Variants in FYN observed in about 807,000 individuals in gnomAD.
FYN encodes the protein tyrosine-protein kinase Fyn.
Under a neutral mutation model 70.2 loss-of-function variants are expected in FYN, and 10 were observed. That is an observed-to-expected ratio of 0.14 (90% confidence interval 0.09 to 0.24). The LOEUF is 0.24. Among genes scored for constraint, FYN ranks in the 10% least tolerant of loss-of-function variants. FYN has a pLI of 1.00. For missense variants in FYN, 319 were observed against 673.1 expected, an observed-to-expected ratio of 0.47 and a Z score of 5.82; for synonymous variants, 236 against 248.6, an observed-to-expected ratio of 0.95 and a Z score of 0.48.
chr6:111,790,987 T>C lies in FYN; in HGVS notation c.-81-10352A>G, dbSNP rs149854890. ...TTTTATATGTCAATTCTCCTCGCAA[T>C]TGCATCTTAACTGAACCACCAATTT... is the stretch of plus-strand genomic sequence containing the variant. On this transcript the variant is annotated intron_variant, in intron 2 of 13. Coordinates refer to ENST00000354650, the MANE Select transcript of FYN (RefSeq NM_002037.5). Among the ~76,000 whole-genome samples the C allele has an allele frequency of 4.1e-4, 62 of 152,348 alleles. 1 individual carries two copies. Among genetic ancestry groups the C allele is most frequent in the African/African-American group, 1.4e-3 (59 of 41,580 alleles).
At chr6:111,684,269 GTTGA>G (rs984585137) in intron 12 of FYN, among the ~76,000 whole-genome samples, 1 of 152,122 alleles carries the variant, frequency 6.6e-6, no homozygotes, top group Non-Finnish European at 1.5e-5. Flanking sequence ...CAAAGATAAG[GTTGA>G]TTAAGTAGGC....
chr6:111,824,212 T>C (rs1367487462), intron 2 of FYN, among the ~76,000 whole-genome samples: 1 of 152,228 alleles, frequency 6.6e-6, no homozygotes, highest in Non-Finnish European at 1.5e-5. Context: ...ATGACTCACT[T>C]GTGATAACAT....
chr6:111,687,540 GC>G (rs1799062517), intron 12 of FYN, among the ~76,000 whole-genome samples: 1 of 144,816 alleles, frequency 6.9e-6, no homozygotes, highest in African/African-American at 2.6e-5. Context: ...GATGATAGAG[GC>G]AGAGCCTCCA....
At chr6:111,781,172 T>TA (rs1156994520) in intron 2 of FYN, 1 of 152,200 alleles carries the variant, frequency 6.6e-6, no homozygotes, top group Non-Finnish European at 1.5e-5. Context: ...GAAGGGCTTA[T>TA]AACAGCCTCT....
intron 12 of FYN, among the ~76,000 whole-genome samples, chr6:111,692,156 A>G (rs1345860879): frequency 1.5e-5 from 2 of 135,700 alleles, no homozygotes; most frequent in African/African-American, 5.4e-5. Context: ...CTCTCTTTCT[A>G]GTGTTTGGCA....
intron 13 of FYN, among the ~76,000 whole-genome samples, chr6:111,666,427 C>T (rs955466321): frequency 3.9e-5 from 6 of 152,116 alleles, no homozygotes; most frequent in Non-Finnish European, 7.4e-5. Flanking sequence ...AATTTTGTTC[C>T]AACCCTCTCC....
chr6:111,839,187 C>T (rs1486830268), intron 2 of FYN, among the ~76,000 whole-genome samples: 1 of 152,140 alleles, frequency 6.6e-6, no homozygotes, highest in Non-Finnish European at 1.5e-5. Context: ...TTCCTCTGTA[C>T]TATGTCTTAC....
At chr6:111,764,989 C>T (rs897287774) in intron 3 of FYN, among the ~76,000 whole-genome samples, 1 of 150,816 alleles carries the variant, frequency 6.6e-6, no homozygotes, top group Non-Finnish European at 1.5e-5. Context: ...TCGGTGGGGC[C>T]GAAGCAGCGT....
At chr6:111,832,240 G>A (rs141288377) in intron 2 of FYN, among the ~76,000 whole-genome samples, 97 of 152,256 alleles carry the variant, frequency 6.4e-4, no homozygotes, top group South Asian at 1.5e-3. Flanking sequence ...CAGGGATAGC[G>A]CCGAAGGACT....
intron 1 of FYN, among the ~76,000 whole-genome samples, chr6:111,855,625 A>T (rs1773804105): frequency 6.6e-6 from 1 of 152,224 alleles, no homozygotes; most frequent in African/African-American, 2.4e-5. Flanking sequence ...CGTCATCATC[A>T]ACTGGGTTTT....
chr6:111,686,720 T>C (rs898714620), intron 12 of FYN, among the ~76,000 whole-genome samples: 2 of 152,164 alleles, frequency 1.3e-5, no homozygotes, highest in Non-Finnish European at 2.9e-5. Context: ...GGAATGGCAA[T>C]GCTGTTGTTG....
At chr6:111,720,697 G>A (rs950125118) in intron 3 of FYN, among the ~76,000 whole-genome samples, 1 of 152,138 alleles carries the variant, frequency 6.6e-6, no homozygotes, top group South Asian at 2.1e-4. Context: ...TATATTTGCA[G>A]GATGTCATGA....
chr6:111,687,311 CA>C (rs1043855695), intron 12 of FYN, among the ~76,000 whole-genome samples: 1 of 152,176 alleles, frequency 6.6e-6, no homozygotes, highest in Non-Finnish European at 1.5e-5. Context: ...AGCATTTGAA[CA>C]GACACATTTT....
At chr6:111,848,417 C>T (rs1465770605) in intron 1 of FYN, among the ~76,000 whole-genome samples, 1 of 152,228 alleles carries the variant, frequency 6.6e-6, no homozygotes, top group East Asian at 1.9e-4. Context: ...CGCTACAGCA[C>T]TTTAGCAACC....
chr6:111,750,545 T>G (rs1367204950), intron 3 of FYN, among the ~76,000 whole-genome samples: 1 of 152,174 alleles, frequency 6.6e-6, no homozygotes, highest in East Asian at 1.9e-4. Context: ...TGAGAATGAA[T>G]TAATACAATG....
intron 3 of FYN, among the ~76,000 whole-genome samples, chr6:111,722,729 C>T (rs1583362791): frequency 6.6e-6 from 1 of 152,268 alleles, no homozygotes; most frequent in South Asian, 2.1e-4. Context: ...CTCCTGATAC[C>T]TACTGGGTAG....
intron 3 of FYN, among the ~76,000 whole-genome samples, chr6:111,770,031 C>T (rs1171122457): frequency 1.3e-5 from 2 of 152,038 alleles, no homozygotes; most frequent in Non-Finnish European, 2.9e-5. Flanking sequence ...TCAAGTTTCT[C>T]TTGAGATTTA....
Position 111,749,027 on chromosome 6 carries a change from A to G in FYN, c.-11-28965T>C, listed in dbSNP as rs953032433. Among the ~76,000 whole-genome samples, 13 of 152,156 alleles carry G rather than the reference A, an allele frequency of 8.5e-5. 1 individual carries two copies. Among genetic ancestry groups the G allele is most frequent in the Non-Finnish European group, 1.5e-5 (1 of 68,024 alleles). On this transcript the variant is annotated intron_variant, in intron 3 of 13. Coordinates refer to ENST00000354650, the MANE Select transcript of FYN (RefSeq NM_002037.5). ...TCCTAGGAGGTGAATAAAATGACTG[A>G]ACAGAAACATGCATTCTACCCTGAC... is the stretch of plus-strand genomic sequence containing the variant.
intron 3 of FYN, among the ~76,000 whole-genome samples, chr6:111,773,524 AGAGGGG>A (rs1180335485): frequency 4.5e-4 from 17 of 37,778 alleles, no homozygotes; most frequent in Non-Finnish European, 6.9e-4. Flanking sequence ...CGGGTGAGAG[AGAGGGG>A]GAGAGGGAGA....
Sources: allele counts gnomAD v4.1 joint callset (sites outside exome capture counted in the v4.1 genomes callset), GRCh38; gene constraint gnomAD v4.1.1; transcripts MANE v1.5; gene names NCBI Gene and HGNC (gene_info 2026-07-23, HGNC 2026-07-21).